The following SDC2 variants were observed in gnomAD, a reference collection of about 807,000 sequenced individuals.
SDC2 encodes the protein syndecan-2.
A neutral mutation model predicts 22.2 loss-of-function variants in SDC2; 13 were observed. The observed-to-expected ratio is 0.59, with a 90% CI of 0.38 to 0.93. SDC2 has a LOEUF of 0.93. Among genes scored for constraint, SDC2 ranks in the 40% least tolerant of loss-of-function variants. The pLI is 0.00. For missense variants in SDC2, 235 were observed against 246.8 expected (o/e 0.95, Z 0.32); for synonymous variants, 94 against 92.8 (o/e 1.01, Z -0.07).
chr8:96,599,056 T>C (rs898224605), intron 2 of SDC2, among the ~76,000 whole-genome samples: 2 of 151,104 alleles, frequency 1.3e-5, no homozygotes, highest in Non-Finnish European at 3.0e-5. Flanking sequence ...ATTCTCCTGC[T>C]TGAGCCTCCC....
In SDC2 at chr8:96,591,389, G is replaced by A. The variant is rs75909428; in HGVS notation, c.61-2091G>A. Among the ~76,000 whole-genome samples, 632 of 152,244 alleles carry A rather than the reference G, an allele frequency of 4.2e-3. 6 individuals are homozygous for A. Among genetic ancestry groups the A allele is most frequent in the African/African-American group, 0.014 (585 of 41,550 alleles). On this transcript the variant is annotated intron_variant, in intron 1 of 4. Transcript: ENST00000302190. ...TTAAAATGGAGAGATTTTAAACTAC[G>A]AGGATCCTGGAGGTCTTGTGACATG... is the stretch of plus-strand genomic sequence containing the variant.
intron 1 of SDC2, among the ~76,000 whole-genome samples, chr8:96,591,819 C>T (rs550292699): frequency 3.9e-5 from 6 of 152,036 alleles, no homozygotes; most frequent in South Asian, 2.1e-4. Context: ...TCAACCCAAG[C>T]GGTGTTTACT....
intron 3 of SDC2, among the ~76,000 whole-genome samples, chr8:96,606,535 A>G (rs543332810): frequency 6.6e-6 from 1 of 152,336 alleles, no homozygotes; most frequent in African/African-American, 2.4e-5. Flanking sequence ...TGCCAGCTAC[A>G]TAGTGCCCTG....
At position 96,602,458 on chromosome 8, in the gene SDC2, T is replaced by G. The variant is rs756482293; in HGVS notation, c.236T>G (p.Leu79Trp). Residue 79 changes from leucine to tryptophan, a missense_variant, in exon 3 of 5, where the codon TTG (leucine) becomes TGG (tryptophan). Physicochemically the swap from Leu to Trp is moderately conservative, Grantham distance 61 (BLOSUM62 -2). Transcript: ENST00000302190. Reference protein sequence around the residue: ...TTSRPLPKILLTSAAPKVETT... With the variant: ...TTSRPLPKILWTSAAPKVETT... ...TCTCGACCACTTCCAAAGATACTGTTGACTAGTGCTGCTCCAAAAGTGGAA... is the reference window on the plus strand; with the variant it reads ...TCTCGACCACTTCCAAAGATACTGTGGACTAGTGCTGCTCCAAAAGTGGAA... 1.2e-5 allele frequency: 19 copies of G among 1,614,002 alleles called. No homozygotes were observed. The South Asian group carries it at 2.0e-4, about 17-fold the overall frequency.
At chr8:96,590,492 G>A (rs192357630) in intron 1 of SDC2, among the ~76,000 whole-genome samples, 29 of 152,304 alleles carry the variant, frequency 1.9e-4, no homozygotes, top group African/African-American at 6.7e-4. Flanking sequence ...TCATGGCCTT[G>A]AGGAGATGCT....
intron 1 of SDC2, among the ~76,000 whole-genome samples, chr8:96,587,764 T>G (rs970328465): frequency 2.0e-5 from 3 of 152,160 alleles, no homozygotes; most frequent in African/African-American, 7.2e-5. Flanking sequence ...GATCAAAGTT[T>G]GAAAATGCTG....
chr8:96,506,073 TCTC>T (rs1390373448), intron 1 of SDC2, among the ~76,000 whole-genome samples: 3 of 152,198 alleles, frequency 2.0e-5, no homozygotes, highest in Non-Finnish European at 4.4e-5. Context: ...AAGTCACTGG[TCTC>T]CTGGAAAAGC....
chr8:96,501,295 C>CTTTTTTTTTT (rs35998270), intron 1 of SDC2, among the ~76,000 whole-genome samples: 5 of 55,162 alleles, frequency 9.1e-5, no homozygotes, highest in Non-Finnish European at 1.4e-4. Context: ...ATACGTATTT[C>CTTTTTTTTTT]TTTTTTTTTT....
At chr8:96,544,182 G>GAA (rs533068238) in intron 1 of SDC2, among the ~76,000 whole-genome samples, 1 of 150,712 alleles carries the variant, frequency 6.6e-6, no homozygotes, top group Non-Finnish European at 1.5e-5. Context: ...TCCTTGTTAG[G>GAA]AAAAAAAAAT....
intron 3 of SDC2, among the ~76,000 whole-genome samples, chr8:96,605,784 T>G (rs563966845): frequency 1.3e-5 from 2 of 152,332 alleles, no homozygotes; most frequent in East Asian, 3.9e-4. Context: ...AGGGACCTAT[T>G]GATCTTACAT....
At chr8:96,575,294 A>G (rs2130592408) in intron 1 of SDC2, among the ~76,000 whole-genome samples, 1 of 149,932 alleles carries the variant, frequency 6.7e-6, no homozygotes, top group East Asian at 2.0e-4. Context: ...CGAATGAAAA[A>G]ACCTGAAAGA....
At chr8:96,548,795 A>G (rs1813977114) in intron 1 of SDC2, among the ~76,000 whole-genome samples, 1 of 152,204 alleles carries the variant, frequency 6.6e-6, no homozygotes, top group Admixed American at 6.5e-5. Context: ...CTGCTTTGCA[A>G]TGAACATGAA....
At chr8:96,552,546 C>T (rs146568954) in intron 1 of SDC2, among the ~76,000 whole-genome samples, 6 of 152,212 alleles carry the variant, frequency 3.9e-5, no homozygotes, top group African/African-American at 1.2e-4. Flanking sequence ...TGATAAGTGC[C>T]GCAAGTAAGG....
At chr8:96,576,389 T>TTTTTTTTTC (rs1814500380) in intron 1 of SDC2, among the ~76,000 whole-genome samples, 2 of 101,164 alleles carry the variant, frequency 2.0e-5, no homozygotes, top group African/African-American at 4.0e-5. Flanking sequence ...GTTTTGTTTT[T>TTTTTTTTTC]TTTTACCAGA....
chr8:96,588,017 A>T (rs921645013), intron 1 of SDC2, among the ~76,000 whole-genome samples: 32 of 152,272 alleles, frequency 2.1e-4, no homozygotes, highest in Middle Eastern at 3.4e-3. Flanking sequence ...ATAAAATGCT[A>T]AGCACAAAAT....
At chr8:96,557,421 T>C (rs1814133922) in intron 1 of SDC2, among the ~76,000 whole-genome samples, 1 of 146,236 alleles carries the variant, frequency 6.8e-6, no homozygotes, top group East Asian at 2.0e-4. Flanking sequence ...GTGGCACATA[T>C]ACACCATGGA....
chr8:96,511,789 A>ATTTTTTTTTTT (rs548532271), intron 1 of SDC2, among the ~76,000 whole-genome samples: 1 of 138,914 alleles, frequency 7.2e-6, no homozygotes. Context: ...GGCTTATGTG[A>ATTTTTTTTTTT]TTTTTTTTTT....
At chr8:96,587,923 A>C (rs1814713676) in intron 1 of SDC2, among the ~76,000 whole-genome samples, 1 of 152,114 alleles carries the variant, frequency 6.6e-6, no homozygotes, top group South Asian at 2.1e-4. Context: ...CCAAGTCCCT[A>C]CTTTTGGAGC....
intron 3 of SDC2, among the ~76,000 whole-genome samples, chr8:96,603,635 CT>C (rs889511110): frequency 3.9e-5 from 6 of 152,116 alleles, no homozygotes; most frequent in Admixed American, 3.9e-4. Context: ...TGCATGTGGG[CT>C]TTTCTTACCC....
Sources: allele counts gnomAD v4.1 joint callset (sites outside exome capture counted in the v4.1 genomes callset), GRCh38; gene constraint gnomAD v4.1.1; transcripts MANE v1.5; gene names NCBI Gene and HGNC (gene_info 2026-07-23, HGNC 2026-07-21).